LRRC49: variants seen among roughly 807,000 people sequenced by gnomAD.
LRRC49 encodes the protein leucine rich repeat containing 49.
LRRC49 carries 50 observed loss-of-function variants against 83.3 expected under a neutral mutation model. That is an observed-to-expected ratio of 0.60 (90% CI 0.48 to 0.76). The LOEUF is 0.76. Among genes scored for constraint, LRRC49 ranks in the 30% least tolerant of loss-of-function variants. The pLI, the probability that LRRC49 is intolerant of heterozygous loss-of-function variation, is 0.00. For missense variants in LRRC49, 704 were observed against 809.1 expected, an observed-to-expected ratio of 0.87 and a Z score of 1.58; for synonymous variants, 286 against 283.3, an observed-to-expected ratio of 1.01 and a Z score of -0.10.
At chr15:71,012,115 T>A (rs550265389) in intron 13 of LRRC49, among the ~76,000 whole-genome samples, 1 of 152,224 alleles carries the variant, frequency 6.6e-6, no homozygotes, top group Admixed American at 6.5e-5. Context: ...GCTGGGATCA[T>A]TGAATTATAT....
chr15:70,939,464 G>A (rs576591762), intron 8 of LRRC49, among the ~76,000 whole-genome samples: 1 of 152,240 alleles, frequency 6.6e-6, no homozygotes, highest in South Asian at 2.1e-4. Context: ...AAAGCCATAA[G>A]CAAATCAAAG....
intron 2 of LRRC49, among the ~76,000 whole-genome samples, chr15:70,876,103 A>G (rs1009406585): frequency 2.2e-4 from 34 of 152,152 alleles, no homozygotes; most frequent in African/African-American, 8.2e-4. Flanking sequence ...TGAAGACTTT[A>G]AGTGCCACAG....
intron 14 of LRRC49, among the ~76,000 whole-genome samples, chr15:71,014,664 C>G (rs1182902077): frequency 6.6e-6 from 1 of 152,064 alleles, no homozygotes; most frequent in Non-Finnish European, 1.5e-5. Context: ...TAATGATAGA[C>G]TTGATGACAC....
At chr15:71,028,991 T>C (rs1172099765) in intron 14 of LRRC49, among the ~76,000 whole-genome samples, 1 of 152,220 alleles carries the variant, frequency 6.6e-6, no homozygotes, top group Non-Finnish European at 1.5e-5. Context: ...CTGCTAGTTT[T>C]AGAATTTCTT....
At chr15:70,893,007 C>T (rs1372627457) in intron 1 of LRRC49, 65 bp downstream of exon 1, 13 of 1,555,798 alleles carry the variant, frequency 8.4e-6, no homozygotes, top group South Asian at 1.1e-5. Context: ...CGTCTTTGTC[C>T]TAGGAGATGG....
At chr15:70,901,067 T>C (rs201030776) in intron 4 of LRRC49, 43 bp downstream of exon 4, 60 of 1,146,890 alleles carry the variant, frequency 5.2e-5, no homozygotes, top group Middle Eastern at 2.0e-4. Context: ...GACTAGGTAA[T>C]ACATAGACGT....
chr15:70,920,657 A>G (rs1238171892), intron 7 of LRRC49, among the ~76,000 whole-genome samples: 2 of 152,222 alleles, frequency 1.3e-5, no homozygotes, highest in East Asian at 1.9e-4. Context: ...GAAATTGCTT[A>G]CTGAATTTCC....
intron 8 of LRRC49, among the ~76,000 whole-genome samples, chr15:70,959,762 G>A (rs1220797733): frequency 6.6e-6 from 1 of 152,026 alleles, no homozygotes; most frequent in Non-Finnish European, 1.5e-5. Flanking sequence ...ATATGAAAAG[G>A]CCAGACCTGG....
chr15:70,959,378 C>A (rs2036515161), intron 8 of LRRC49, among the ~76,000 whole-genome samples: 1 of 151,936 alleles, frequency 6.6e-6, no homozygotes, highest in Non-Finnish European at 1.5e-5. Context: ...GTAATCCCAG[C>A]TACTCGGGAG....
intron 9 of LRRC49, among the ~76,000 whole-genome samples, chr15:70,975,717 GAAAC>G (rs1017657062): frequency 6.6e-6 from 1 of 151,538 alleles, no homozygotes; most frequent in South Asian, 2.1e-4. Context: ...ACACAATTCA[GAAAC>G]AAACAATGTC....
At chr15:70,939,847 G>GTTT (rs1327080543) in intron 8 of LRRC49, among the ~76,000 whole-genome samples, 71 of 115,232 alleles carry the variant, frequency 6.2e-4, no homozygotes, top group African/African-American at 1.9e-3. Flanking sequence ...TTTAAACTAG[G>GTTT]TTTTTTTTTT....
chr15:70,934,269 C>T (rs946283733), intron 7 of LRRC49, among the ~76,000 whole-genome samples: 1 of 151,970 alleles, frequency 6.6e-6, no homozygotes, highest in African/African-American at 2.4e-5. Context: ...TTCTTTTTGT[C>T]TATTATAATG....
chr15:71,020,508 A>G (rs922084237), intron 14 of LRRC49, among the ~76,000 whole-genome samples: 8 of 152,256 alleles, frequency 5.3e-5, no homozygotes, highest in Admixed American at 2.0e-4. Flanking sequence ...TGAAATCTAC[A>G]CCTAGTCACA....
chr15:70,886,452 A>T (rs1202107292), intron 2 of LRRC49, among the ~76,000 whole-genome samples: 1 of 152,218 alleles, frequency 6.6e-6, no homozygotes, highest in Non-Finnish European at 1.5e-5. Context: ...GAAGTTAAAG[A>T]CAGAGCAGTG....
At chr15:70,936,904 T>C in intron 8 of LRRC49, 82 bp downstream of exon 8, 1 of 861,382 alleles carries the variant, frequency 1.2e-6, no homozygotes, top group East Asian at 2.4e-5. Flanking sequence ...TGTAAATACC[T>C]TGGAGAATTT....
chr15:70,853,499 A>G, intron 1 of LRRC49: 1 of 161,404 alleles, frequency 6.2e-6, no homozygotes, highest in Non-Finnish European at 1.3e-5. Context: ...AGGGGAGGGG[A>G]AGGCGGGTAG....
chr15:70,901,003 C>CA lies in LRRC49; in HGVS notation c.276dup (p.Asp93ArgfsTer40). 6.2e-7 allele frequency: 1 copy of CA among 1,608,704 alleles called. No homozygotes were observed. Among genetic ancestry groups the CA allele is most frequent in the East Asian group, 2.2e-5 (1 of 44,740 alleles). ...TCTTCTGAAGAGAAAATTCTTTACT[C>CA]AGACAGGTTGAGCCTAGAAAGGTGA... On this transcript the variant is annotated frameshift_variant, in exon 4 of 16. Coordinates refer to ENST00000260382, the MANE Select transcript of LRRC49 (RefSeq NM_017691.5). LOFTEE classifies it high-confidence loss of function.
Position 70,900,955 on chromosome 15 carries a change from C to CA in LRRC49, c.228dup (p.Ser77IlefsTer10), listed in dbSNP as rs2034049460. The CA allele has an allele frequency of 6.2e-7, 1 of 1,609,874 alleles. No individual in the cohort carries two copies. The highest frequency in any genetic ancestry group is 8.5e-7 in the Non-Finnish European group (1 of 1,177,340). On this transcript the variant is annotated frameshift_variant, in exon 4 of 16. Coordinates refer to ENST00000260382, the MANE Select transcript of LRRC49 (RefSeq NM_017691.5). LOFTEE classifies it high-confidence loss of function. ...ATTAATTTGGTGAGCTCATCATTGT[C>CA]ATCATTTCCTATTCTTCAACGTTCT...
At chr15:70,899,543 T>C (rs984355156) in intron 3 of LRRC49, among the ~76,000 whole-genome samples, 22 of 152,144 alleles carry the variant, frequency 1.4e-4, no homozygotes, top group Non-Finnish European at 2.5e-4. Flanking sequence ...TAGAACATCA[T>C]TATTATCTTG....
Sources: allele counts gnomAD v4.1 joint callset (sites outside exome capture counted in the v4.1 genomes callset), GRCh38; gene constraint gnomAD v4.1.1; transcripts MANE v1.5; gene names NCBI Gene and HGNC (gene_info 2026-07-23, HGNC 2026-07-21).